Variants in TCEANC2 observed in about 807,000 individuals in gnomAD.
The protein encoded by TCEANC2 is transcription elongation factor A N-terminal and central domain-containing protein 2.
A neutral mutation model predicts 22.8 loss-of-function variants in TCEANC2; 20 were observed. The observed-to-expected ratio is 0.88, with a 90% CI of 0.62 to 1.28. The LOEUF is 1.28. TCEANC2 is among the 50% of genes most tolerant of loss of function. The pLI, the probability that TCEANC2 is intolerant of heterozygous loss-of-function variation, is 0.00. For synonymous variants in TCEANC2, 84 were observed against 95.5 expected, an observed-to-expected ratio of 0.88 and a Z score of 0.70; for missense variants, 251 against 249.7, an observed-to-expected ratio of 1.01 and a Z score of -0.03.
intron 2 of TCEANC2, among the ~76,000 whole-genome samples, chr1:54,066,711 A>G (rs980310448): frequency 6.6e-6 from 1 of 152,250 alleles, no homozygotes. Context: ...AATAAAATAC[A>G]TTGGTAAAAA....
intron 2 of TCEANC2, among the ~76,000 whole-genome samples, chr1:54,059,657 G>A (rs1379591358): frequency 6.6e-6 from 1 of 152,140 alleles, no homozygotes; most frequent in Admixed American, 6.5e-5. Flanking sequence ...TATTGTAATT[G>A]TCTGATTACC....
intron 2 of TCEANC2, among the ~76,000 whole-genome samples, chr1:54,063,716 A>C (rs918506113): frequency 3.3e-5 from 5 of 152,150 alleles, no homozygotes; most frequent in African/African-American, 1.2e-4. Flanking sequence ...CCAAATCCCA[A>C]ACATTTCTGG....
exon 5 of TCEANC2, chr1:54,111,328 A>G (rs901241939): frequency 1.8e-4 from 28 of 152,352 alleles, no homozygotes; most frequent in Non-Finnish European, 3.5e-4. Context: ...TTTGCTTGGA[A>G]TAGGATTAGC....
intron 4 of TCEANC2, among the ~76,000 whole-genome samples, chr1:54,094,281 A>G (rs565306562): frequency 6.6e-6 from 1 of 152,042 alleles, no homozygotes; most frequent in Non-Finnish European, 1.5e-5. Flanking sequence ...TGTTTTTTCT[A>G]CTTACTTTGG....
chr1:54,110,627 C>CA (rs567691582), downstream of TCEANC2, among the ~76,000 whole-genome samples: 1 of 151,836 alleles, frequency 6.6e-6, no homozygotes, highest in Non-Finnish European at 1.5e-5. Flanking sequence ...CAAAACAAAA[C>CA]AAAAAAACAA....
chr1:54,089,944 C>A, intron 4 of TCEANC2: 1 of 771,802 alleles, frequency 1.3e-6, no homozygotes, highest in Non-Finnish European at 2.3e-6. Context: ...CGGAAACGTA[C>A]ACCTGATTTT....
At position 54,088,593 on chromosome 1, in the gene TCEANC2, C is replaced by CCAG; in HGVS notation, c.245-3_245-1dup. On this transcript the variant is annotated splice_polypyrimidine_tract_variant and splice_region_variant and intron_variant, in intron 3 of 4. Coordinates refer to ENST00000234827, the MANE Select transcript of TCEANC2 (RefSeq NM_153035.3). ...TTCCTTTGGTTTTTCTCTTCCTGTTCCAGGTCACACTGTGAACAAGATGCG... is the reference window on the plus strand; with the variant it reads ...TTCCTTTGGTTTTTCTCTTCCTGTTCCAGCAGGTCACACTGTGAACAAGATGCG... 2 of 1,593,906 alleles carry CCAG rather than the reference C, an allele frequency of 1.3e-6. No homozygotes were observed. The highest frequency in any genetic ancestry group is 2.3e-5 in the South Asian group (2 of 87,140).
chr1:54,095,940 C>CA (rs149327842), intron 4 of TCEANC2, among the ~76,000 whole-genome samples: 2,484 of 151,082 alleles, frequency 0.016, 28 homozygotes, highest in South Asian at 0.026. Flanking sequence ...AAAAACAAAA[C>CA]AAAAAAAAAT....
At chr1:54,086,457 C>T (rs866876330) in intron 3 of TCEANC2, among the ~76,000 whole-genome samples, 7 of 152,124 alleles carry the variant, frequency 4.6e-5, no homozygotes, top group South Asian at 2.1e-4. Context: ...TCTTAAAGGC[C>T]GAATGGAAGT....
rs1658623402 is a variant in TCEANC2, at chr1:54,099,671, G to C, written c.*3198G>C. On this transcript the variant is annotated 3_prime_UTR_variant, in exon 5 of 5. Coordinates refer to ENST00000234827, the MANE Select transcript of TCEANC2 (RefSeq NM_153035.3). ...AGGTATGAGAATCGCTTGAACCTGG[G>C]AGATGGAGGCTGCAGTAAGCCAAGA... 1 of 151,514 alleles carries C rather than the reference G, an allele frequency of 6.6e-6. No homozygotes were observed. Among genetic ancestry groups the C allele is most frequent in the Non-Finnish European group, 1.5e-5 (1 of 67,954 alleles). The allele number at this position is 151,514 out of a possible 1,614,324, so 9.4% of individuals were successfully genotyped here.
rs541908283 is a variant in TCEANC2, at chr1:54,099,946, T to C, written c.*3473T>C. On this transcript the variant is annotated 3_prime_UTR_variant, in exon 5 of 5. Coordinates refer to ENST00000234827, the MANE Select transcript of TCEANC2 (RefSeq NM_153035.3). ...TGATGCTTTTCTTGTAGTGGTTAAT[T>C]TGGAGGTCCTGGTTGGGCATGGTAG... 6.6e-6 allele frequency: 1 copy of C among 151,916 alleles called. No individual in the cohort carries two copies. The highest frequency in any genetic ancestry group is 1.9e-4 in the East Asian group (1 of 5,130). The allele number at this position is 151,916 out of a possible 1,614,324, so 9.4% of individuals were successfully genotyped here.
At chr1:54,081,751 C>T (rs910977856) in intron 3 of TCEANC2, among the ~76,000 whole-genome samples, 4 of 152,140 alleles carry the variant, frequency 2.6e-5, no homozygotes, top group Non-Finnish European at 4.4e-5. Context: ...GCCCTACCTA[C>T]GCTTCCTGGG....
rs1658653247 is a variant in TCEANC2, at chr1:54,100,972, T to G, written c.*4499T>G. On this transcript the variant is annotated 3_prime_UTR_variant, in exon 5 of 5. Transcript: ENST00000234827. ...CAGTCAATTAGAGGTTTTTTTTTTT[T>G]GACAAATGAAGTTTAAAGTTGCCCA... The G allele has an allele frequency of 6.6e-6, 1 of 152,118 alleles. No homozygotes were observed. Among genetic ancestry groups the G allele is most frequent in the African/African-American group, 2.4e-5 (1 of 41,426 alleles). 9.4% of individuals were successfully genotyped at this position (152,118 alleles called of 1,614,324 possible).
At chr1:54,061,727 G>A (rs1319099425) in intron 2 of TCEANC2, among the ~76,000 whole-genome samples, 1 of 151,414 alleles carries the variant, frequency 6.6e-6, no homozygotes, top group Admixed American at 6.6e-5. Flanking sequence ...TTCATAGTCT[G>A]TCCCCTATAG....
At position 54,091,300 on chromosome 1, in the gene TCEANC2, G is replaced by C. The variant is rs542049797; in HGVS notation, c.438+2510G>C. Among the ~76,000 whole-genome samples, 59 of 152,204 alleles carry C rather than the reference G, an allele frequency of 3.9e-4. 1 individual carries two copies. The highest frequency in any genetic ancestry group is 1.4e-3 in the African/African-American group (57 of 41,522). The stretch of plus-strand genomic sequence containing the variant: ...CATCATCTGAGATATTTCCATATTA[G>C]AGCAAATCAATGAACCATCTAATTC... On this transcript the variant is annotated intron_variant, in intron 4 of 4. Transcript: ENST00000234827.
chr1:54,058,942 A>G (rs1469750880), intron 2 of TCEANC2, among the ~76,000 whole-genome samples: 1 of 152,170 alleles, frequency 6.6e-6, no homozygotes, highest in Non-Finnish European at 1.5e-5. Flanking sequence ...GGCGTGAGCC[A>G]CTGTGCCCAG....
intron 4 of TCEANC2, chr1:54,090,090 G>C: frequency 1.7e-6 from 1 of 597,676 alleles, no homozygotes; most frequent in South Asian, 1.9e-5. Flanking sequence ...GGAATGGAGA[G>C]ATCAGTAATC....
At chr1:54,074,189 C>T (rs1046415625) in intron 3 of TCEANC2, among the ~76,000 whole-genome samples, 15 of 152,042 alleles carry the variant, frequency 9.9e-5, no homozygotes, top group South Asian at 2.1e-4. Context: ...AGCTGCCGGG[C>T]GCAGTGGCTC....
intron 4 of TCEANC2, among the ~76,000 whole-genome samples, chr1:54,091,527 T>A (rs1329235208): frequency 1.3e-5 from 2 of 152,196 alleles, no homozygotes; most frequent in African/African-American, 4.8e-5. Flanking sequence ...AAAAAAAATG[T>A]TTCCATGTTG....
Sources: allele counts gnomAD v4.1 joint callset (sites outside exome capture counted in the v4.1 genomes callset), GRCh38; gene constraint gnomAD v4.1.1; transcripts MANE v1.5; gene names NCBI Gene and HGNC (gene_info 2026-07-23, HGNC 2026-07-21).